Variants in SDK1 observed in about 807,000 individuals in gnomAD.
The protein encoded by SDK1 is sidekick cell adhesion molecule 1, also known as protein sidekick-1.
Under a neutral mutation model 245.5 loss-of-function variants are expected in SDK1, and 157 were observed. The observed-to-expected ratio is 0.64, with a 90% CI of 0.56 to 0.73. The LOEUF is 0.73. SDK1 is among the 30% of genes least tolerant of loss of function. The pLI is 0.00. For missense variants in SDK1, 3,583 were observed against 3,002.3 expected (o/e 1.19, Z -4.52); for synonymous variants, 1,647 against 1,278.5 (o/e 1.29, Z -6.15).
At chr7:4,087,217 G>T (rs1161012548) in intron 22 of SDK1, among the ~76,000 whole-genome samples, 1 of 152,110 alleles carries the variant, frequency 6.6e-6, no homozygotes, top group African/African-American at 2.4e-5. Flanking sequence ...AGTGAGGTAT[G>T]AATCCATTTT....
rs185987136 is a variant in SDK1, at chr7:3,327,770, C to T, written c.298+25886C>T. Among the ~76,000 whole-genome samples, 618 of 152,182 alleles carry T rather than the reference C, an allele frequency of 4.1e-3. 7 individuals carry two copies. Among genetic ancestry groups the T allele is most frequent in the South Asian group, 0.018 (85 of 4,818 alleles). On this transcript the variant is annotated intron_variant, in intron 1 of 44. Transcript: ENST00000404826. ...ATGTGAATATTCATACATTTCTTTG[C>T]AGAAATAGTAATGTGTTTGATTACG...
intron 2 of SDK1, among the ~76,000 whole-genome samples, chr7:3,628,526 A>G (rs537461674): frequency 4.8e-4 from 73 of 152,196 alleles, no homozygotes; most frequent in African/African-American, 1.6e-3. Flanking sequence ...CTTTGGGGCT[A>G]CTAGAGACTC....
chr7:3,621,398 C>G (rs1195077808), intron 2 of SDK1, among the ~76,000 whole-genome samples: 1 of 152,058 alleles, frequency 6.6e-6, no homozygotes, highest in Non-Finnish European at 1.5e-5. Flanking sequence ...TATGAGAGTT[C>G]TCTTAAAAAT....
chr7:4,187,111 G>C (rs567320845), intron 35 of SDK1, among the ~76,000 whole-genome samples: 26 of 152,300 alleles, frequency 1.7e-4, no homozygotes, highest in Non-Finnish European at 3.5e-4. Context: ...GTCTGTGTGA[G>C]GGACTGTGAG....
intron 4 of SDK1, among the ~76,000 whole-genome samples, chr7:3,812,305 C>A (rs73672181): frequency 6.6e-6 from 1 of 152,204 alleles, no homozygotes; most frequent in African/African-American, 2.4e-5. Context: ...CATTTATCGA[C>A]TACACACTGT....
intron 2 of SDK1, among the ~76,000 whole-genome samples, chr7:3,635,791 C>A (rs921658491): frequency 1.3e-5 from 2 of 152,138 alleles, no homozygotes; most frequent in Non-Finnish European, 2.9e-5. Flanking sequence ...ACTGCAACCT[C>A]CACCTCCCGG....
At chr7:3,858,511 A>T (rs1343637922) in intron 5 of SDK1, among the ~76,000 whole-genome samples, 2 of 152,190 alleles carry the variant, frequency 1.3e-5, no homozygotes, top group Non-Finnish European at 2.9e-5. Flanking sequence ...TCTGGAAAGG[A>T]AGGATGAAGA....
chr7:3,577,068 G>T (rs1483672788), intron 1 of SDK1, among the ~76,000 whole-genome samples: 1 of 151,926 alleles, frequency 6.6e-6, no homozygotes, highest in East Asian at 1.9e-4. Flanking sequence ...CTTGCAAAGA[G>T]AGGACAGCAC....
chr7:3,804,269 T>G (rs1650376223), intron 4 of SDK1, among the ~76,000 whole-genome samples: 1 of 152,222 alleles, frequency 6.6e-6, no homozygotes, highest in African/African-American at 2.4e-5. Context: ...TATTCAGTTA[T>G]ATGAGGGTTT....
chr7:3,384,300 T>C (rs913597045), intron 1 of SDK1, among the ~76,000 whole-genome samples: 7 of 152,210 alleles, frequency 4.6e-5, no homozygotes, highest in East Asian at 3.8e-4. Context: ...AACTGAAATA[T>C]ACTCTGATTT....
At chr7:3,354,878 C>A (rs913320255) in intron 1 of SDK1, among the ~76,000 whole-genome samples, 1 of 152,174 alleles carries the variant, frequency 6.6e-6, no homozygotes, top group Non-Finnish European at 1.5e-5. Flanking sequence ...TACTTGATCA[C>A]GTTAAAGAGG....
At chr7:3,855,982 A>G (rs1262279153) in intron 5 of SDK1, among the ~76,000 whole-genome samples, 1 of 152,232 alleles carries the variant, frequency 6.6e-6, no homozygotes, top group East Asian at 1.9e-4. Flanking sequence ...AAAATGAATA[A>G]TAAAGAATTT....
At chr7:4,170,488 T>A (rs1781771760) in intron 32 of SDK1, among the ~76,000 whole-genome samples, 1 of 152,054 alleles carries the variant, frequency 6.6e-6, no homozygotes, top group Non-Finnish European at 1.5e-5. Flanking sequence ...CCCCCTTGTG[T>A]GGTGATGTGA....
rs753911364 is a variant in SDK1 at position 4,164,970 on chromosome 7, CAG to C, written c.4800+3116_4800+3117del. Among the ~76,000 whole-genome samples, 5 of 152,298 alleles carry C rather than the reference CAG, an allele frequency of 3.3e-5. No homozygotes were observed. The South Asian group carries it at 1.0e-3, about 32-fold the overall frequency. ...GAGTAATTTACTGCATTAGAACAAA[CAG>C]AACAAAGAAAAAGAAACTAGGTTTA... is the stretch of plus-strand genomic sequence containing the variant. On this transcript the variant is annotated intron_variant, in intron 32 of 44. Coordinates refer to ENST00000404826, the MANE Select transcript of SDK1 (RefSeq NM_152744.4).
intron 4 of SDK1, among the ~76,000 whole-genome samples, chr7:3,683,677 A>C (rs1248070647): frequency 2.6e-5 from 4 of 152,224 alleles, no homozygotes; most frequent in Admixed American, 6.5e-5. Flanking sequence ...GGGTGAAAGG[A>C]GAGGCAGCTG....
rs201950994 is a variant in SDK1, at chr7:3,717,674, G to C, written c.713+75569G>C. Among the ~76,000 whole-genome samples, 16 of 152,284 alleles carry C rather than the reference G, an allele frequency of 1.1e-4. No homozygotes were observed. The East Asian group carries it at 3.1e-3, about 29-fold the overall frequency. ...CCCATAAAGTTGAAAACTTAGATTAGCTGGACCAAATGCTCAAAAACTACA... is the reference window on the plus strand; with the variant it reads ...CCCATAAAGTTGAAAACTTAGATTACCTGGACCAAATGCTCAAAAACTACA... On this transcript the variant is annotated intron_variant, in intron 4 of 44. Transcript: ENST00000404826.
intron 1 of SDK1, among the ~76,000 whole-genome samples, chr7:3,554,880 G>T (rs968776607): frequency 6.6e-6 from 1 of 152,094 alleles, no homozygotes; most frequent in Non-Finnish European, 1.5e-5. Flanking sequence ...AACCAGAGAA[G>T]TGAAAAATCC....
intron 4 of SDK1, among the ~76,000 whole-genome samples, chr7:3,731,367 C>G (rs570705329): frequency 1.3e-5 from 2 of 152,170 alleles, no homozygotes; most frequent in Non-Finnish European, 1.5e-5. Flanking sequence ...GCCCCGGGAC[C>G]GTGCCCCGAG....
chr7:3,415,682 G>C (rs1028694944), intron 1 of SDK1, among the ~76,000 whole-genome samples: 1 of 150,232 alleles, frequency 6.7e-6, no homozygotes, highest in Non-Finnish European at 1.5e-5. Context: ...ACCCATGCCA[G>C]TTTTCCTTAC....
Sources: allele counts gnomAD v4.1 joint callset (sites outside exome capture counted in the v4.1 genomes callset), GRCh38; gene constraint gnomAD v4.1.1; transcripts MANE v1.5; gene names NCBI Gene and HGNC (gene_info 2026-07-23, HGNC 2026-07-21).